ZNF441: variants seen among roughly 807,000 people sequenced by gnomAD.
The protein encoded by ZNF441 is zinc finger protein 441.
Under a neutral mutation model 64.5 loss-of-function variants are expected in ZNF441, and 25 were observed. That is an observed-to-expected ratio of 0.39 (90% CI 0.28 to 0.54). The LOEUF is 0.54. Ranked by LOEUF, ZNF441 falls within the 20% of genes least tolerant of loss-of-function variation. ZNF441 has a pLI of 0.70. For missense variants in ZNF441, 715 were observed against 843.3 expected (o/e 0.85, Z 1.88); for synonymous variants, 262 against 268.0 (o/e 0.98, Z 0.22).
rs149767711 is a variant in ZNF441 at position 11,780,746 on chromosome 19, C to T, written c.922C>T (p.His308Tyr). The stretch of plus-strand genomic sequence containing the variant: ...GATAGTGCACACTGGAGATGGGCCT[C>T]ATAAATGTAAGATATGTGGAAAAGG... Reference protein sequence around the residue: ...HMIVHTGDGPHKCKICGKGFL... With the variant: ...HMIVHTGDGPYKCKICGKGFL... Residue 308 changes from histidine to tyrosine, a missense_variant, in exon 4 of 4, where the codon CAT (histidine) becomes TAT (tyrosine). Around this residue, in one of 2 missense-constraint regions of ZNF441, gnomAD observed 399 missense variants for 413.9 expected, o/e 0.96. Coordinates refer to ENST00000357901, the MANE Select transcript of ZNF441 (RefSeq NM_152355.3). 54 of 1,614,046 alleles carry T rather than the reference C, an allele frequency of 3.3e-5. No individual in the cohort carries two copies. In the East Asian group the frequency reaches 1.0e-3, roughly 31 times the overall value.
chr19:11,767,296 C>T lies in ZNF441; in HGVS notation c.3+100C>T. ...GGCACCAGGTCTTCCCCGCCGGCGA[C>T]ACCCTGGCGCAGCTCGGCCCTCGGT... On this transcript the variant is annotated intron_variant, in intron 1 of 3. Transcript: ENST00000357901. The surrounding 1 kb of genome is among the most constrained non-coding windows in gnomAD (Gnocchi z 5.1). The T allele has an allele frequency of 6.6e-7, 1 of 1,519,814 alleles. No individual in the cohort carries two copies. The highest frequency in any genetic ancestry group is 2.0e-5 in the Admixed American group (1 of 50,152). 94.1% of individuals were successfully genotyped at this position (1,519,814 alleles called of 1,614,324 possible). A position where few individuals can be genotyped will look rare whatever the true frequency, so the allele number is the denominator to read the frequency against.
At position 11,767,056 on chromosome 19, in the gene ZNF441, T is replaced by G. The variant is rs1975275436; in HGVS notation, c.-138T>G. The G allele has an allele frequency of 7.5e-7, 1 of 1,334,158 alleles. No homozygotes were observed. Among genetic ancestry groups the G allele is most frequent in the Admixed American group, 2.2e-5 (1 of 45,972 alleles). 82.6% of individuals were successfully genotyped at this position (1,334,158 alleles called of 1,614,324 possible). ...CAAGGTTCAAAGAGCCCGCCGAGTC[T>G]TCTCCACGCCCCTGCACTGGGCTCC... On this transcript the variant is annotated 5_prime_UTR_variant, in exon 1 of 4. Coordinates refer to ENST00000357901, the MANE Select transcript of ZNF441 (RefSeq NM_152355.3). The surrounding 1 kb of genome is among the most constrained non-coding windows in gnomAD (Gnocchi z 5.1).
In ZNF441 at chr19:11,767,026, G is replaced by A. The variant is rs899819572; in HGVS notation, c.-168G>A. The A allele has an allele frequency of 4.8e-5, 45 of 945,448 alleles. No homozygotes were observed. In the Middle Eastern group the frequency reaches 9.5e-4, roughly 20 times the overall value. The allele number at this position is 945,448 out of a possible 1,614,324, so 58.6% of individuals were successfully genotyped here. A position where few individuals can be genotyped will look rare whatever the true frequency, so the allele number is the denominator to read the frequency against. ...TCAATCAGGCGCACTGACCGGAGGA[G>A]GGTGCAAGGTTCAAAGAGCCCGCCG... On this transcript the variant is annotated 5_prime_UTR_variant, in exon 1 of 4. Transcript: ENST00000357901. The surrounding 1 kb of genome is among the most constrained non-coding windows in gnomAD (Gnocchi z 5.1).
rs1255450619 is a variant in ZNF441, at chr19:11,780,696, A to T, written c.872A>T (p.His291Leu). ...AAGCAATGTGGGAAAGCATTTTATC[A>T]TCTTGGAAGCTTTCAAAGACACATG... ...ECKQCGKAFY[H>L]LGSFQRHMIV... The change falls in exon 4 of 4, where the codon CAT (histidine) becomes CTT (leucine). Residue 291 changes from histidine to leucine, a missense_variant. Physicochemically the swap from His to Leu is moderately conservative, Grantham distance 99. Transcript: ENST00000357901. The T allele has an allele frequency of 6.2e-7, 1 of 1,614,072 alleles. No individual in the cohort carries two copies. The highest frequency in any genetic ancestry group is 2.2e-5 in the East Asian group (1 of 44,850).
Position 11,781,321 on chromosome 19 carries a change from A to C in ZNF441, c.1497A>C (p.Gly499=). The change falls in exon 4 of 4, where the codon GGA becomes GGC. Residue 499 remains glycine (G), a synonymous_variant. Coordinates refer to ENST00000357901, the MANE Select transcript of ZNF441 (RefSeq NM_152355.3). Reference sequence around the variant, plus strand: ...AGAGACACATGATAATGCACACTGGAGATGGACCTCATAAATGTAAGATAT... The same window carrying C: ...AGAGACACATGATAATGCACACTGGCGATGGACCTCATAAATGTAAGATAT... ...SFQRHMIMHT[G]DGPHKCKICG... is the part of the protein sequence containing the mutation. 1 of 1,613,998 alleles carries C rather than the reference A, an allele frequency of 6.2e-7. No homozygotes were observed. The highest frequency in any genetic ancestry group is 8.5e-7 in the Non-Finnish European group (1 of 1,180,000).
Position 11,777,660 on chromosome 19 carries a change from G to A in ZNF441, c.53G>A (p.Trp18Ter), listed in dbSNP as rs1021479691. Residue 18 changes from tryptophan (W) to a stop codon, truncating the protein, a stop_gained, in exon 2 of 4, where the codon TGG (tryptophan) becomes TAG (stop). Coordinates refer to ENST00000357901, the MANE Select transcript of ZNF441 (RefSeq NM_152355.3). LOFTEE classifies it high-confidence loss of function. ...GCTATAAACTTCACCTGTGAGGAGTGGGCTTTGCTGGGTCCATCACAGAAG... is the reference window on the plus strand; with the variant it reads ...GCTATAAACTTCACCTGTGAGGAGTAGGCTTTGCTGGGTCCATCACAGAAG... Reference protein sequence around the residue: ...DVAINFTCEEWALLGPSQKSL... With the variant: ...DVAINFTCEE 1 of 1,613,760 alleles carries A rather than the reference G, an allele frequency of 6.2e-7. No individual in the cohort carries two copies. The highest frequency in any genetic ancestry group is 8.5e-7 in the Non-Finnish European group (1 of 1,179,782).
intron 1 of ZNF441, among the ~76,000 whole-genome samples, chr19:11,769,642 A>C (rs1456933169): frequency 6.6e-6 from 1 of 151,980 alleles, no homozygotes; most frequent in East Asian, 1.9e-4. Context: ...AGTTTCAAGC[A>C]GCAGGTCAGT....
chr19:11,774,513 C>G (rs1481692434), intron 1 of ZNF441, among the ~76,000 whole-genome samples: 4 of 151,954 alleles, frequency 2.6e-5, no homozygotes, highest in Non-Finnish European at 4.4e-5. Flanking sequence ...TTCATTTTAG[C>G]TGATTTTTTA....
chr19:11,774,416 C>T (rs1468189628), intron 1 of ZNF441, among the ~76,000 whole-genome samples: 1 of 152,142 alleles, frequency 6.6e-6, no homozygotes, highest in Non-Finnish European at 1.5e-5. Flanking sequence ...TTTAACATTA[C>T]TAGCAAGACA....
rs775951543 is a variant in ZNF441, at chr19:11,783,565, G to A, written c.*1659G>A. ...ACACAGGGATAAAGAAAATGTTTATGTACACAGTGGAATACTATTTGGCCA... is the reference window on the plus strand; with the variant it reads ...ACACAGGGATAAAGAAAATGTTTATATACACAGTGGAATACTATTTGGCCA... On this transcript the variant is annotated 3_prime_UTR_variant, in exon 4 of 4. Transcript: ENST00000357901. 1 of 152,142 alleles carries A rather than the reference G, an allele frequency of 6.6e-6. No homozygotes were observed. Among genetic ancestry groups the A allele is most frequent in the Non-Finnish European group, 1.5e-5 (1 of 68,032 alleles). 9.4% of individuals were successfully genotyped at this position (152,142 alleles called of 1,614,324 possible). A position where few individuals can be genotyped will look rare whatever the true frequency, so the allele number is the denominator to read the frequency against.
At chr19:11,773,087 G>A (rs1164523101) in intron 1 of ZNF441, among the ~76,000 whole-genome samples, 1 of 152,028 alleles carries the variant, frequency 6.6e-6, no homozygotes, top group Non-Finnish European at 1.5e-5. Context: ...CACTGCGCCC[G>A]GCCTGCTTTC....
chr19:11,774,039 A>T lies in ZNF441; in HGVS notation c.4-3572A>T, dbSNP rs536644999. Among the ~76,000 whole-genome samples the T allele has an allele frequency of 2.0e-5, 3 of 152,218 alleles. No individual in the cohort carries two copies. In the East Asian group the frequency reaches 5.8e-4, roughly 29 times the overall value. On this transcript the variant is annotated intron_variant, in intron 1 of 3. Transcript: ENST00000357901. ...CTTCTTTCATTTTGACTGAGCATGTATATGATTCCATTTGCTTGCTTCTAT... is the reference window on the plus strand; with the variant it reads ...CTTCTTTCATTTTGACTGAGCATGTTTATGATTCCATTTGCTTGCTTCTAT...
In ZNF441 at chr19:11,782,621, G is replaced by T. The variant is rs1036845480; in HGVS notation, c.*715G>T. 1 of 152,292 alleles carries T rather than the reference G, an allele frequency of 6.6e-6. No homozygotes were observed. The highest frequency in any genetic ancestry group is 2.1e-4 in the South Asian group (1 of 4,828). The allele number at this position is 152,292 out of a possible 1,614,324, so 9.4% of individuals were successfully genotyped here. The stretch of plus-strand genomic sequence containing the variant: ...CAATGTCAGGATCTGTGGAGTTTGC[G>T]AGTATAAGATCTTTAAGTGTTGAAG... On this transcript the variant is annotated 3_prime_UTR_variant, in exon 4 of 4. Transcript: ENST00000357901.
In ZNF441 at chr19:11,781,064, A is replaced by G; in HGVS notation, c.1240A>G (p.Thr414Ala). Residue 414 changes from threonine (T) to alanine (A), a missense_variant, in exon 4 of 4, where the codon ACT becomes GCT. Coordinates refer to ENST00000357901, the MANE Select transcript of ZNF441 (RefSeq NM_152355.3). ...YYFRNHETTH[T>A]GEKPYKCKQC... ...CTTTCGAAATCATGAAACTACTCAC[A>G]CTGGAGAGAAGCCATATAAATGTAA... The G allele has an allele frequency of 6.2e-7, 1 of 1,614,142 alleles. No individual in the cohort carries two copies. The highest frequency in any genetic ancestry group is 8.5e-7 in the Non-Finnish European group (1 of 1,180,018).
rs1471827653 is a variant in ZNF441, at chr19:11,781,887, A to G, written c.2063A>G (p.Lys688Arg). 5.0e-6 allele frequency: 8 copies of G among 1,593,714 alleles called. No homozygotes were observed. The African/African-American group carries it at 1.1e-4, about 22-fold the overall frequency. ...TTTCATTGTATCAGTTCCTTTCATA[A>G]ACATGAAATGACTCACTAGAGAAAA... The part of the protein sequence containing the change: ...EAFHCISSFH[K>R]HEMTH Residue 688 changes from lysine (K) to arginine (R), a missense_variant, in exon 4 of 4, where the codon AAA becomes AGA. Lys to Arg is a conservative substitution (Grantham distance 26, BLOSUM62 2). This residue lies in a region of ZNF441 where 316 missense variants were observed against 429.3 expected (regional missense o/e 0.74). Transcript: ENST00000357901.
chr19:11,771,529 C>A (rs1213051073), intron 1 of ZNF441, among the ~76,000 whole-genome samples: 1 of 152,134 alleles, frequency 6.6e-6, no homozygotes, highest in Non-Finnish European at 1.5e-5. Context: ...ATATGAATAT[C>A]ATTAATCATT....
At chr19:11,770,778 G>A (rs567082901) in intron 1 of ZNF441, among the ~76,000 whole-genome samples, 1 of 152,058 alleles carries the variant, frequency 6.6e-6, no homozygotes, top group African/African-American at 2.4e-5. Context: ...CTGTAGAGAT[G>A]GGGTTTCACC....
At chr19:11,769,506 C>T (rs1975296491) in intron 1 of ZNF441, among the ~76,000 whole-genome samples, 1 of 152,114 alleles carries the variant, frequency 6.6e-6, no homozygotes, top group South Asian at 2.1e-4. Context: ...TCTTCAAAGC[C>T]TTGATGTGTG....
At position 11,780,517 on chromosome 19, in the gene ZNF441, A is replaced by G. The variant is rs751633574; in HGVS notation, c.693A>G (p.Thr231=). The stretch of plus-strand genomic sequence containing the variant: ...CATATGAATATGAGCAGTGTTCTAC[A>G]GCGTTTCCTGCTTATAGTTCCACTC... ...EKPYEYEQCS[T]AFPAYSSTLR... Residue 231 remains threonine (T), a synonymous_variant, in exon 4 of 4, where the codon ACA becomes ACG. Coordinates refer to ENST00000357901, the MANE Select transcript of ZNF441 (RefSeq NM_152355.3). 4 of 1,614,224 alleles carry G rather than the reference A, an allele frequency of 2.5e-6. No homozygotes were observed. The Admixed American group carries it at 6.7e-5, about 27-fold the overall frequency.
Sources: gnomAD v4.1 joint callset for allele counts (sites outside exome capture counted in the v4.1 genomes callset) on GRCh38, gnomAD v4.1.1 for gene constraint, gnomAD v4.1.1 regional missense constraint, Gnocchi (gnomAD v3.1) non-coding constraint, MANE v1.5 for transcripts, NCBI Gene and HGNC (gene_info 2026-07-23, HGNC 2026-07-21) for gene names.